Variants in APLF observed in about 807,000 individuals in gnomAD.
APLF encodes aprataxin and PNKP like factor, also known as aprataxin and PNK-like factor.
In APLF, 61 loss-of-function variants were observed where a neutral mutation model predicts 55.6. That is an observed-to-expected ratio of 1.10 (90% CI 0.89 to 1.36). APLF has a LOEUF of 1.36. APLF is among the 40% of genes most tolerant of loss of function. The pLI is 0.00. For missense variants in APLF, 611 were observed against 602.5 expected (o/e 1.01, Z -0.15); for synonymous variants, 207 against 214.8 (o/e 0.96, Z 0.32).
chr2:68,480,708 A>G (rs1380618268), intron 1 of APLF, among the ~76,000 whole-genome samples: 2 of 152,106 alleles, frequency 1.3e-5, no homozygotes, highest in African/African-American at 4.8e-5. Flanking sequence ...TTAGAAGAAA[A>G]GGTTTCATCT....
At chr2:68,546,841 G>A (rs1011632913) in intron 8 of APLF, among the ~76,000 whole-genome samples, 1 of 151,800 alleles carries the variant, frequency 6.6e-6, no homozygotes, top group Non-Finnish European at 1.5e-5. Flanking sequence ...AATCAGAACT[G>A]AGACAAGAAT....
Position 68,516,592 on chromosome 2 carries a change from G to A in APLF, c.622+2912G>A, listed in dbSNP as rs1180511288. ...TGTAATCTTTTATCCCTCACTCCCC[G>A]ACCCTTCCTCCCAAGCCCTCAAAGT... On this transcript the variant is annotated intron_variant, in intron 5 of 9. Transcript: ENST00000303795. Among the ~76,000 whole-genome samples the A allele has an allele frequency of 4.7e-5, 7 of 150,386 alleles. No individual in the cohort carries two copies. The South Asian group carries it at 6.3e-4, about 13-fold the overall frequency.
In APLF at chr2:68,489,950, G is replaced by A. The variant is rs146868786; in HGVS notation, c.97-240G>A. 6.1e-3 allele frequency among the ~76,000 whole-genome samples: 933 copies of A among 152,198 alleles called. 9 individuals carry two copies. Among genetic ancestry groups the A allele is most frequent in the African/African-American group, 0.021 (878 of 41,520 alleles). ...ACTATCATGCAAGGTTTTGGGATCC[G>A]TTAGATTCTAGGCTTGAGGCTCTGT... On this transcript the variant is annotated intron_variant, in intron 1 of 9. Transcript: ENST00000303795.
intron 3 of APLF, among the ~76,000 whole-genome samples, chr2:68,510,921 G>A (rs1036546700): frequency 2.0e-5 from 3 of 151,756 alleles, no homozygotes; most frequent in East Asian, 1.9e-4. Context: ...AGCTAGACAC[G>A]AAAGACCACA....
intron 5 of APLF, chr2:68,515,566 G>A (rs994549463): frequency 6.1e-6 from 6 of 982,688 alleles, no homozygotes; most frequent in African/African-American, 1.8e-5. Context: ...TTTCAAATAC[G>A]TTTTCTTTCC....
intron 9 of APLF, among the ~76,000 whole-genome samples, chr2:68,570,307 T>G (rs1428455323): frequency 1.3e-5 from 2 of 151,458 alleles, no homozygotes; most frequent in African/African-American, 2.4e-5. Context: ...TATATTTTTA[T>G]TATGCTTTAA....
intron 3 of APLF, 108 bp downstream of exon 3, chr2:68,503,011 G>A: frequency 8.3e-7 from 1 of 1,206,044 alleles, no homozygotes; most frequent in Non-Finnish European, 1.2e-6. Context: ...TGGAGATAGA[G>A]TAGGTGTGTA....
chr2:68,518,638 A>G (rs189943857), intron 5 of APLF, among the ~76,000 whole-genome samples: 12 of 109,960 alleles, frequency 1.1e-4, no homozygotes, highest in African/African-American at 5.2e-4. Context: ...ATAATAATAT[A>G]TCATTAATAT....
At chr2:68,539,083 T>TA (rs1280801103) in intron 7 of APLF, among the ~76,000 whole-genome samples, 2 of 152,242 alleles carry the variant, frequency 1.3e-5, no homozygotes, top group Non-Finnish European at 1.5e-5. Context: ...CTTTAAAAGG[T>TA]ATTGCCATTT....
chr2:68,518,572 AATATATCAATAATATATCATGAATAT>A (rs1669743693), intron 5 of APLF, among the ~76,000 whole-genome samples: 1 of 121,982 alleles, frequency 8.2e-6, no homozygotes, highest in African/African-American at 3.2e-5. Context: ...ATGAATATAT[AATATATCAATAATATATCATGAATAT>A]ATAATATATC....
intron 6 of APLF, chr2:68,528,736 G>A (rs1470911245): frequency 2.4e-5 from 36 of 1,501,502 alleles, no homozygotes; most frequent in Non-Finnish European, 3.0e-5. Context: ...CAGCAGGGCT[G>A]TGTGAACTGG....
At chr2:68,494,121 A>G (rs1271793394) in intron 2 of APLF, among the ~76,000 whole-genome samples, 1 of 147,390 alleles carries the variant, frequency 6.8e-6, no homozygotes, top group Non-Finnish European at 1.5e-5. Flanking sequence ...AGAGAAAAAA[A>G]AAAAATTAGC....
intron 6 of APLF, among the ~76,000 whole-genome samples, chr2:68,530,568 T>C (rs1329335848): frequency 6.6e-6 from 1 of 152,184 alleles, no homozygotes. Flanking sequence ...AAAGTCAGTT[T>C]CTCTGGTCTT....
At chr2:68,502,690 TTC>T (rs753180103) in intron 2 of APLF, 39 bp from the exon 3 acceptor site, 7 of 1,196,088 alleles carry the variant, frequency 5.9e-6, no homozygotes, top group African/African-American at 4.8e-5. Flanking sequence ...TTGTATTATA[TTC>T]TTTTTTAAAT....
At chr2:68,572,581 A>G (rs1293829751) in intron 9 of APLF, among the ~76,000 whole-genome samples, 3 of 152,214 alleles carry the variant, frequency 2.0e-5, no homozygotes, top group Non-Finnish European at 4.4e-5. Flanking sequence ...CATGCCTATA[A>G]TCCCAGCACT....
chr2:68,513,142 A>C lies in APLF; in HGVS notation c.404A>C (p.Asn135Thr). The change falls in exon 4 of 10, where the codon AAT (asparagine) becomes ACT (threonine). Residue 135 changes from asparagine to threonine, a missense_variant. Physicochemically the swap from Asn to Thr is moderately conservative, Grantham distance 65. Coordinates refer to ENST00000303795, the MANE Select transcript of APLF (RefSeq NM_173545.3). ...GAAACACCAAAATCCCCCGTGATTA[A>C]TTTACCTCATGAGACTACTGGTGCC... Reference protein sequence around the residue: ...LNETPKSPVINLPHETTGASQ... With the variant: ...LNETPKSPVITLPHETTGASQ... 1.2e-6 allele frequency: 2 copies of C among 1,611,486 alleles called. No individual in the cohort carries two copies. The highest frequency in any genetic ancestry group is 8.5e-7 in the Non-Finnish European group (1 of 1,178,374).
chr2:68,556,807 A>G (rs1383463809), intron 8 of APLF, among the ~76,000 whole-genome samples: 2 of 152,246 alleles, frequency 1.3e-5, no homozygotes, highest in East Asian at 3.9e-4. Flanking sequence ...GTCTTCTGAG[A>G]GGGAAGGCCT....
chr2:68,527,224 G>T (rs1476512922), intron 6 of APLF, among the ~76,000 whole-genome samples: 1 of 151,658 alleles, frequency 6.6e-6, no homozygotes, highest in South Asian at 2.1e-4. Context: ...ACGGTGGCCA[G>T]GCAGAGGCGC....
intron 8 of APLF, among the ~76,000 whole-genome samples, chr2:68,559,232 G>C (rs1468141223): frequency 6.6e-6 from 1 of 152,120 alleles, no homozygotes; most frequent in Admixed American, 6.6e-5. Flanking sequence ...CTAGAGCAGA[G>C]AGCAGTGTCT....
Sources: gnomAD v4.1 joint callset for allele counts (sites outside exome capture counted in the v4.1 genomes callset) on GRCh38, gnomAD v4.1.1 for gene constraint, MANE v1.5 for transcripts, NCBI Gene and HGNC (gene_info 2026-07-23, HGNC 2026-07-21) for gene names.